The following EIF2AK1 variants were observed in gnomAD, a reference collection of about 807,000 sequenced individuals.
EIF2AK1 encodes eukaryotic translation initiation factor 2 alpha kinase 1, also known as eukaryotic translation initiation factor 2-alpha kinase 1.
In EIF2AK1, 54 loss-of-function variants were observed where a neutral mutation model predicts 77.9. That is an observed-to-expected ratio of 0.69 (90% CI 0.56 to 0.87). The LOEUF is 0.87. EIF2AK1 is among the 40% of genes least tolerant of loss of function. The pLI is 0.00. For missense variants in EIF2AK1, 810 were observed against 768.6 expected, an observed-to-expected ratio of 1.05 and a Z score of -0.64; for synonymous variants, 314 against 290.5, an observed-to-expected ratio of 1.08 and a Z score of -0.82.
chr7:6,046,093 G>A lies in EIF2AK1; in HGVS notation c.608C>T (p.Ala203Val). The A allele has an allele frequency of 1.3e-6, 2 of 1,563,116 alleles. No homozygotes were observed. Among genetic ancestry groups the A allele is most frequent in the Admixed American group, 2.0e-5 (1 of 49,496 alleles). ...TACCTTCATGCAAACTGTTTTAGTT[G>A]CACCCTTAATCAGGATTTTTTTTAT... ...YAIKKILIKGATKTVCMKVLR... is the reference protein window; with the variant it reads ...YAIKKILIKGVTKTVCMKVLR... The change falls in exon 6 of 15, where the codon GCA (alanine) becomes GTA (valine). Residue 203 changes from alanine (A) to valine (V), a missense_variant. By Grantham distance (64) the Ala-to-Val change is moderately conservative (BLOSUM62 0). Coordinates refer to ENST00000199389, the MANE Select transcript of EIF2AK1 (RefSeq NM_014413.4).
Position 6,036,310 on chromosome 7 carries a change from A to T in EIF2AK1, c.1332+1114T>A. Reference sequence around the variant, plus strand: ...AATATTTATGGTGAGAAATACAAACAGCACTTGAAGCAATTCCTCCCAGTG... The same window carrying T: ...AATATTTATGGTGAGAAATACAAACTGCACTTGAAGCAATTCCTCCCAGTG... On this transcript the variant is annotated intron_variant, in intron 11 of 14. Coordinates refer to ENST00000199389, the MANE Select transcript of EIF2AK1 (RefSeq NM_014413.4). This position sits in a 1 kb window ranked among gnomAD's most constrained non-coding sequence, Gnocchi z 4.6. 1 of 1,546,056 alleles carries T rather than the reference A, an allele frequency of 6.5e-7. No individual in the cohort carries two copies.
At chr7:6,025,023 G>A (rs1330515640) in intron 14 of EIF2AK1, among the ~76,000 whole-genome samples, 1 of 151,818 alleles carries the variant, frequency 6.6e-6, no homozygotes, top group East Asian at 1.9e-4. Flanking sequence ...ATTTTTAGTA[G>A]AGATGAGGTT....
chr7:6,056,349 C>G (rs1347339452), intron 1 of EIF2AK1, among the ~76,000 whole-genome samples: 1 of 143,212 alleles, frequency 7.0e-6, no homozygotes, highest in Non-Finnish European at 1.5e-5. Flanking sequence ...AATCCCAGCA[C>G]TTTGGGAGGC....
intron 1 of EIF2AK1, among the ~76,000 whole-genome samples, chr7:6,055,684 A>C (rs1208844747): frequency 6.6e-6 from 1 of 151,710 alleles, no homozygotes; most frequent in African/African-American, 2.4e-5. Context: ...GGTAAAAAAA[A>C]AAAAAAAAAA....
intron 2 of EIF2AK1, among the ~76,000 whole-genome samples, chr7:6,054,212 T>TTTAC (rs1788686628): frequency 6.6e-6 from 1 of 151,258 alleles, no homozygotes; most frequent in Non-Finnish European, 1.5e-5. Context: ...ACAAGCTTTA[T>TTTAC]TTATTTATTT....
intron 7 of EIF2AK1, among the ~76,000 whole-genome samples, chr7:6,043,524 G>A (rs1349667854): frequency 6.6e-6 from 1 of 152,078 alleles, no homozygotes; most frequent in African/African-American, 2.4e-5. Context: ...CACCTCCCGG[G>A]TTCAAGTGAT....
Position 6,028,907 on chromosome 7 carries a change from CAA to C in EIF2AK1, c.1447+9_1447+10del. 6.3e-7 allele frequency: 1 copy of C among 1,592,420 alleles called. No homozygotes were observed. The highest frequency in any genetic ancestry group is 1.1e-5 in the South Asian group (1 of 86,976). ...TTATGCAAAGAAAACAAAACAAAAC[CAA>C]AAACTTACTCTTCCCGTTTCTGTTG... On this transcript the variant is annotated intron_variant, in intron 12 of 14. Transcript: ENST00000199389.
At chr7:6,044,273 G>T (rs1403845691) in intron 7 of EIF2AK1, among the ~76,000 whole-genome samples, 1 of 151,534 alleles carries the variant, frequency 6.6e-6, no homozygotes, top group Non-Finnish European at 1.5e-5. Context: ...GACCATCCTG[G>T]CTAACACGGT....
rs555040597 is a variant in EIF2AK1, at chr7:6,028,552, C to G, written c.1530+63G>C. The G allele has an allele frequency of 7.5e-5, 115 of 1,543,128 alleles. 1 individual carries two copies. The South Asian group carries it at 1.2e-3, about 17-fold the overall frequency. On this transcript the variant is annotated intron_variant, in intron 13 of 14. Transcript: ENST00000199389. ...CAGGCGTGAGCCACTGCACCCAACC[C>G]TGTATTGTTATTTAAGACTGCAGAA...
At position 6,024,397 on chromosome 7, in the gene EIF2AK1, A is replaced by G; in HGVS notation, c.*276T>C. ...GCGGTACCTTCTAGAGGAAGACCAG[A>G]CAGAGGGTCAACAGAGTTGAAAGGA... On this transcript the variant is annotated 3_prime_UTR_variant, in exon 15 of 15. Coordinates refer to ENST00000199389, the MANE Select transcript of EIF2AK1 (RefSeq NM_014413.4). 1 of 1,306,128 alleles carries G rather than the reference A, an allele frequency of 7.7e-7. No individual in the cohort carries two copies. The allele number at this position is 1,306,128 out of a possible 1,614,324, so 80.9% of individuals were successfully genotyped here. A position where few individuals can be genotyped will look rare whatever the true frequency, so the allele number is the denominator to read the frequency against.
In EIF2AK1 at chr7:6,035,125, C is replaced by T. The variant is rs1304938548; in HGVS notation, c.1332+2299G>A. 6.6e-6 allele frequency among the ~76,000 whole-genome samples: 1 copy of T among 151,858 alleles called. No individual in the cohort carries two copies. Among genetic ancestry groups the T allele is most frequent in the African/African-American group, 2.4e-5 (1 of 41,294 alleles). ...GGACACAGCCCTAGCGGGGACGGCA[C>T]AGGTAAAACAGGCTGCTCCAAGAAG... On this transcript the variant is annotated intron_variant, in intron 11 of 14. Transcript: ENST00000199389. The surrounding 1 kb of genome is among the most constrained non-coding windows in gnomAD (Gnocchi z 5.5).
chr7:6,040,558 C>A (rs567543513), intron 9 of EIF2AK1, among the ~76,000 whole-genome samples: 2 of 152,296 alleles, frequency 1.3e-5, no homozygotes, highest in African/African-American at 4.8e-5. Context: ...AGTCATGCTG[C>A]AAAATCGTTT....
chr7:6,034,028 GTAGTA>G (rs1372706333), intron 11 of EIF2AK1, among the ~76,000 whole-genome samples: 1 of 151,422 alleles, frequency 6.6e-6, no homozygotes, highest in Non-Finnish European at 1.5e-5. Flanking sequence ...AAAGAATTAA[GTAGTA>G]TAGGCCGGGC....
Position 6,036,764 on chromosome 7 carries a change from T to A in EIF2AK1, c.1332+660A>T, listed in dbSNP as rs930509142. Among the ~76,000 whole-genome samples the A allele has an allele frequency of 6.6e-6, 1 of 152,140 alleles. No individual in the cohort carries two copies. The highest frequency in any genetic ancestry group is 1.5e-5 in the Non-Finnish European group (1 of 68,028). ...CTTCCGATTTTGTTAAACTTTAAGA[T>A]GAATAATTATAGAAATAGAGTTTAC... is the stretch of plus-strand genomic sequence containing the variant. On this transcript the variant is annotated intron_variant, in intron 11 of 14. Transcript: ENST00000199389. This position sits in a 1 kb window ranked among gnomAD's most constrained non-coding sequence, Gnocchi z 4.6.
intron 1 of EIF2AK1, among the ~76,000 whole-genome samples, chr7:6,057,873 G>A (rs1297624658): frequency 2.6e-5 from 4 of 152,056 alleles, no homozygotes; most frequent in Non-Finnish European, 5.9e-5. Context: ...CAGGTGATCC[G>A]CCCACCTCAG....
chr7:6,034,838 G>C (rs1410625637), intron 11 of EIF2AK1, among the ~76,000 whole-genome samples: 1 of 152,198 alleles, frequency 6.6e-6, no homozygotes, highest in Non-Finnish European at 1.5e-5. Flanking sequence ...AGCAGGGAAT[G>C]AACTTCGGAA....
rs777730733 is a variant in EIF2AK1 at position 6,042,920 on chromosome 7, T to G, written c.791+13A>C. ...TGACAAGAGGTAATGTCCTAATATG[T>G]AAAAGGACATACCTGTCCTCTTCCT... is the stretch of plus-strand genomic sequence containing the variant. On this transcript the variant is annotated intron_variant, in intron 8 of 14. Transcript: ENST00000199389. 6 of 1,610,598 alleles carry G rather than the reference T, an allele frequency of 3.7e-6. No individual in the cohort carries two copies. In the South Asian group the frequency reaches 6.6e-5, roughly 18 times the overall value.
At position 6,027,823 on chromosome 7, in the gene EIF2AK1, G is replaced by A. The variant is rs886459026; in HGVS notation, c.1530+792C>T. The A allele has an allele frequency of 2.9e-6, 1 of 346,818 alleles. No individual in the cohort carries two copies. Among genetic ancestry groups the A allele is most frequent in the African/African-American group, 2.2e-5 (1 of 45,290 alleles). 21.5% of individuals were successfully genotyped at this position (346,818 alleles called of 1,614,324 possible). On this transcript the variant is annotated intron_variant, in intron 13 of 14. Coordinates refer to ENST00000199389, the MANE Select transcript of EIF2AK1 (RefSeq NM_014413.4). This position sits in a 1 kb window ranked among gnomAD's most constrained non-coding sequence, Gnocchi z 4.5. ...GTTCATGCCTTAATCCCAGCACTTT[G>A]GGAGGCCAAGGGAGGAGAATCATTT...
Position 6,026,769 on chromosome 7 carries a change from T to C in EIF2AK1, c.1723A>G (p.Ile575Val), listed in dbSNP as rs1398437273. The C allele has an allele frequency of 1.8e-5, 29 of 1,614,132 alleles. No individual in the cohort carries two copies. Among genetic ancestry groups the C allele is most frequent in the Non-Finnish European group, 2.3e-5 (27 of 1,180,050 alleles). The change falls in exon 14 of 15, where the codon ATT becomes GTT. Residue 575 changes from isoleucine (I) to valine (V), a missense_variant. Physicochemically the swap from Ile to Val is conservative, Grantham distance 29. Transcript: ENST00000199389. ...RRNSSQRPSAIQLLQSELFQN... is the reference protein window; with the variant it reads ...RRNSSQRPSAVQLLQSELFQN... ...AAAAGTTCACTCTGCAGCAGCTGAA[T>C]GGCAGATGGTCTCTGCGATGAGTTC...
Sources: gnomAD v4.1 joint callset for allele counts (sites outside exome capture counted in the v4.1 genomes callset) on GRCh38, gnomAD v4.1.1 for gene constraint, Gnocchi (gnomAD v3.1) non-coding constraint, MANE v1.5 for transcripts, NCBI Gene and HGNC (gene_info 2026-07-23, HGNC 2026-07-21) for gene names.